Variants in ADH4 observed in about 807,000 individuals in gnomAD.
ADH4 encodes the protein alcohol dehydrogenase 4 (class II), pi polypeptide.
A neutral mutation model predicts 35.2 loss-of-function variants in ADH4; 31 were observed. The ratio of observed to expected loss-of-function variants is 0.88; its 90% CI spans 0.66 to 1.19. The LOEUF (loss-of-function observed/expected upper bound fraction) is 1.19. Ranked by LOEUF, ADH4 falls within the 50% of genes most tolerant of loss-of-function variation. The pLI, the probability that ADH4 is intolerant of heterozygous loss-of-function variation, is 0.00. For missense variants in ADH4, 476 were observed against 458.3 expected (o/e 1.04, Z -0.35); for synonymous variants, 171 against 160.2 (o/e 1.07, Z -0.51).
intron 4 of ADH4, among the ~76,000 whole-genome samples, chr4:99,137,621 T>C (rs1261755160): frequency 3.3e-5 from 5 of 152,204 alleles, no homozygotes; most frequent in African/African-American, 1.2e-4. Flanking sequence ...GGGCTTTACA[T>C]GTATTAACTC....
intron 8 of ADH4, among the ~76,000 whole-genome samples, chr4:99,124,845 A>C (rs1729032896): frequency 6.6e-6 from 1 of 152,054 alleles, no homozygotes; most frequent in East Asian, 1.9e-4. Flanking sequence ...TGGGCATCAA[A>C]GTTGGTGTGT....
rs758309728 is a variant in ADH4 at position 99,141,576 on chromosome 4, T to C, written c.227A>G (p.Glu76Gly). The part of the protein sequence containing the change: ...IVGHEAAGIV[E>G]SIGPGVTNVK... ...GTTGGTCACTCCTGGCCCAATACTTTCCACAATACCTGCAGCCTCATGGCC... is the reference window on the plus strand; with the variant it reads ...GTTGGTCACTCCTGGCCCAATACTTCCCACAATACCTGCAGCCTCATGGCC... The change falls in exon 3 of 9, where the codon GAA becomes GGA. Residue 76 changes from glutamate (E) to glycine (G), a missense_variant. Physicochemically the swap from Glu to Gly is moderately conservative, Grantham distance 98. Transcript: ENST00000265512. 1.2e-6 allele frequency: 2 copies of C among 1,614,086 alleles called. No homozygotes were observed. The highest frequency in any genetic ancestry group is 1.7e-6 in the Non-Finnish European group (2 of 1,179,990).
chr4:99,134,344 G>A (rs1342844696), intron 5 of ADH4, among the ~76,000 whole-genome samples: 2 of 151,648 alleles, frequency 1.3e-5, no homozygotes, highest in Admixed American at 6.6e-5. Flanking sequence ...ATGAAGTGAT[G>A]GATACATTAT....
intron 1 of ADH4, among the ~76,000 whole-genome samples, 182 bp downstream of exon 1, chr4:99,144,022 TA>T (rs1277368364): frequency 2.0e-5 from 3 of 152,216 alleles, no homozygotes; most frequent in Non-Finnish European, 4.4e-5. Flanking sequence ...ACCCTTCTAA[TA>T]AACATTTTGG....
chr4:99,129,647 A>G (rs1288341259), intron 6 of ADH4, among the ~76,000 whole-genome samples: 1 of 152,148 alleles, frequency 6.6e-6, no homozygotes, highest in Non-Finnish European at 1.5e-5. Flanking sequence ...CCTTGGACAG[A>G]GATAACTCTT....
intron 4 of ADH4, among the ~76,000 whole-genome samples, chr4:99,137,661 A>G (rs1729488520): frequency 6.6e-6 from 1 of 152,196 alleles, no homozygotes. Context: ...GAAAATTTGA[A>G]CATGTATAAA....
intron 6 of ADH4, among the ~76,000 whole-genome samples, chr4:99,130,324 G>T (rs573734038): frequency 6.6e-6 from 1 of 152,266 alleles, no homozygotes; most frequent in African/African-American, 2.4e-5. Context: ...TCACTGCAAG[G>T]TTATAAAATC....
Position 99,124,335 on chromosome 4 carries a change from A to T in ADH4, c.*107T>A. Reference sequence around the variant, plus strand: ...TTTTATGTTCCCATATTAAATGTAAATATTTGTTTAAACTCATGGCTTTCC... The same window carrying T: ...TTTTATGTTCCCATATTAAATGTAATTATTTGTTTAAACTCATGGCTTTCC... On this transcript the variant is annotated 3_prime_UTR_variant, in exon 9 of 9. Transcript: ENST00000265512. 1.3e-6 allele frequency: 1 copy of T among 759,624 alleles called. No homozygotes were observed. Among genetic ancestry groups the T allele is most frequent in the East Asian group, 2.8e-5 (1 of 35,816 alleles). 47.1% of individuals were successfully genotyped at this position (759,624 alleles called of 1,614,324 possible). A position where few individuals can be genotyped will look rare whatever the true frequency, so the allele number is the denominator to read the frequency against.
At chr4:99,141,483 C>A in intron 3 of ADH4, 58 bp downstream of exon 3, 2 of 1,521,332 alleles carry the variant, frequency 1.3e-6, no homozygotes, top group South Asian at 2.6e-5. Flanking sequence ...AGGACTCTAT[C>A]AATAATTATC....
Position 99,124,201 on chromosome 4 carries a change from A to G in ADH4, c.*241T>C, listed in dbSNP as rs1729003741. ...AACTTCCCAGAACTAATTTTAAACA[A>G]TTTCTAAAGATGATATGATTCTATT... On this transcript the variant is annotated 3_prime_UTR_variant, in exon 9 of 9. Coordinates refer to ENST00000265512, the MANE Select transcript of ADH4 (RefSeq NM_000670.5). 2 of 376,430 alleles carry G rather than the reference A, an allele frequency of 5.3e-6. No homozygotes were observed. Among genetic ancestry groups the G allele is most frequent in the East Asian group, 5.2e-5 (1 of 19,106 alleles). 23.3% of individuals were successfully genotyped at this position (376,430 alleles called of 1,614,324 possible).
At chr4:99,134,363 TTTAA>T (rs1279192856) in intron 5 of ADH4, among the ~76,000 whole-genome samples, 1 of 149,898 alleles carries the variant, frequency 6.7e-6, no homozygotes, top group East Asian at 1.9e-4. Flanking sequence ...ATTAGCTTGA[TTTAA>T]TTATTCTACA....
Position 99,144,278 on chromosome 4 carries a change from TC to T in ADH4, c.-57del. 6.4e-7 allele frequency: 1 copy of T among 1,562,886 alleles called. No homozygotes were observed. Among genetic ancestry groups the T allele is most frequent in the Non-Finnish European group, 8.8e-7 (1 of 1,133,510 alleles). ...TTTCTGAGTTAAGAAAGCTTCAAAC[TC>T]CTACCCAGGGAGTTCCGTGTCCTAT... On this transcript the variant is annotated 5_prime_UTR_variant, in exon 1 of 9. Coordinates refer to ENST00000265512, the MANE Select transcript of ADH4 (RefSeq NM_000670.5).
chr4:99,138,250 T>A (rs565405153), intron 4 of ADH4, among the ~76,000 whole-genome samples: 1 of 152,288 alleles, frequency 6.6e-6, no homozygotes, highest in East Asian at 1.9e-4. Flanking sequence ...AAAAAATTAG[T>A]TCTTTGAATA....
chr4:99,131,374 C>T, intron 6 of ADH4, 130 bp downstream of exon 6: 2 of 1,042,050 alleles, frequency 1.9e-6, no homozygotes, highest in Non-Finnish European at 2.7e-6. Context: ...TGATTTGTGG[C>T]TTATAGTTCT....
Position 99,124,346 on chromosome 4 carries a change from A to G in ADH4, c.*96T>C, listed in dbSNP as rs1729011395. On this transcript the variant is annotated 3_prime_UTR_variant, in exon 9 of 9. Transcript: ENST00000265512. ...CATATTAAATGTAAATATTTGTTTA[A>G]ACTCATGGCTTTCCTTGGTTCATCA... The G allele has an allele frequency of 8.2e-6, 7 of 854,138 alleles. No individual in the cohort carries two copies. In the South Asian group the frequency reaches 1.2e-4, roughly 14 times the overall value. The allele number at this position is 854,138 out of a possible 1,614,324, so 52.9% of individuals were successfully genotyped here.
At chr4:99,124,646 A>G (rs1729024752) in intron 8 of ADH4, among the ~76,000 whole-genome samples, 180 bp from the exon 9 acceptor site, 1 of 152,164 alleles carries the variant, frequency 6.6e-6, no homozygotes, top group Non-Finnish European at 1.5e-5. Flanking sequence ...ATAATATTTT[A>G]TGCATGTGCT....
chr4:99,144,121 G>T, intron 1 of ADH4, 84 bp downstream of exon 1: 1 of 1,466,790 alleles, frequency 6.8e-7, no homozygotes, highest in Non-Finnish European at 9.5e-7. Context: ...TGCTTCCTGA[G>T]TTCCTGAAGG....
chr4:99,129,601 C>G (rs943118924), intron 6 of ADH4, among the ~76,000 whole-genome samples: 1 of 152,150 alleles, frequency 6.6e-6, no homozygotes, highest in Non-Finnish European at 1.5e-5. Context: ...GTCAGTTCAC[C>G]TTTTGCTATG....
Position 99,126,714 on chromosome 4 carries a change from G to GA in ADH4, c.997dup (p.Ser333PhefsTer8), listed in dbSNP as rs1560774598. The GA allele has an allele frequency of 1.9e-6, 3 of 1,603,898 alleles. No individual in the cohort carries two copies. Among genetic ancestry groups the GA allele is most frequent in the Non-Finnish European group, 2.6e-6 (3 of 1,173,064 alleles). On this transcript the variant is annotated frameshift_variant, in exon 8 of 9. Transcript: ENST00000265512. LOFTEE classifies it high-confidence loss of function. ...ATAGTCAGTGACCAGCTTTGGGATA[G>GA]AATCTACACTTTTCCAACCTGTAAT...
Sources: gnomAD v4.1 joint callset for allele counts (sites outside exome capture counted in the v4.1 genomes callset) on GRCh38, gnomAD v4.1.1 for gene constraint, MANE v1.5 for transcripts, NCBI Gene and HGNC (gene_info 2026-07-23, HGNC 2026-07-21) for gene names.